The following LRRC23 variants were observed in gnomAD, a reference collection of about 807,000 sequenced individuals.
The protein encoded by LRRC23 is leucine rich repeat containing 23.
Under a neutral mutation model 37.7 loss-of-function variants are expected in LRRC23, and 28 were observed. That is an observed-to-expected ratio of 0.74 (90% CI 0.55 to 1.02). LRRC23 has a LOEUF of 1.02. Among genes scored for constraint, LRRC23 ranks in the 50% least tolerant of loss-of-function variants. LRRC23 has a pLI of 0.00. For missense variants in LRRC23, 377 were observed against 413.2 expected (o/e 0.91, Z 0.76); for synonymous variants, 161 against 165.4 (o/e 0.97, Z 0.20).
At chr12:6,910,416 G>A (rs1208591137) in intron 6 of LRRC23, among the ~76,000 whole-genome samples, 1 of 152,078 alleles carries the variant, frequency 6.6e-6, no homozygotes, top group Non-Finnish European at 1.5e-5. Flanking sequence ...TTCTACAGAA[G>A]TGAAAATAAT....
chr12:6,909,763 C>T, intron 5 of LRRC23, 127 bp from the exon 6 acceptor site: 1 of 811,206 alleles, frequency 1.2e-6, no homozygotes, highest in Non-Finnish European at 2.0e-6. Flanking sequence ...TACTCACCCC[C>T]ACTCCTTTCT....
At chr12:6,908,600 A>G (rs1460936243) in intron 5 of LRRC23, among the ~76,000 whole-genome samples, 1 of 102,248 alleles carries the variant, frequency 9.8e-6, no homozygotes, top group African/African-American at 7.5e-5. Flanking sequence ...CCATCTCAAA[A>G]AAAAAAAAAA....
intron 6 of LRRC23, 49 bp downstream of exon 6, chr12:6,910,075 C>G (rs782636546): frequency 3.2e-6 from 5 of 1,548,946 alleles, no homozygotes; most frequent in African/African-American, 1.4e-5. Flanking sequence ...TGACCAGGTG[C>G]AGCTTTTGAG....
chr12:6,910,253 T>A, intron 6 of LRRC23, among the ~76,000 whole-genome samples: 1 of 152,162 alleles, frequency 6.6e-6, no homozygotes, highest in South Asian at 2.1e-4. Context: ...GAGAATGTGC[T>A]ATGTGCCAGG....
At chr12:6,909,032 AT>A in intron 5 of LRRC23, among the ~76,000 whole-genome samples, 1 of 92,644 alleles carries the variant, frequency 1.1e-5, no homozygotes, top group Non-Finnish European at 2.1e-5. Flanking sequence ...CGATATATAT[AT>A]TATATATTAT....
chr12:6,912,829 C>T lies in LRRC23; in HGVS notation c.858C>T (p.Thr286=), dbSNP rs373041536. ...TTGATAACCCATGCACGGACGAAAC[C>T]AGCTACCGCCAGGAGGCCCTGGTGC... ...VLLDNPCTDE[T]SYRQEALVQM... The change falls in exon 7 of 8, where the codon ACC becomes ACT. Residue 286 remains threonine (T), a synonymous_variant. Coordinates refer to ENST00000443597, the MANE Select transcript of LRRC23 (RefSeq NM_001135217.2). The T allele has an allele frequency of 6.2e-6, 10 of 1,614,024 alleles. No individual in the cohort carries two copies. The highest frequency in any genetic ancestry group is 4.0e-5 in the African/African-American group (3 of 74,908).
In LRRC23 at chr12:6,905,953, A is replaced by G. The variant is rs149662873; in HGVS notation, c.235A>G (p.Arg79Gly). 7.3e-5 allele frequency: 117 copies of G among 1,613,404 alleles called. No individual in the cohort carries two copies. Among genetic ancestry groups the G allele is most frequent in the Admixed American group, 1.2e-4 (7 of 59,964 alleles). Residue 79 changes from arginine to glycine, a missense_variant and splice_region_variant, in exon 3 of 8, where the codon AGG becomes GGG. This residue lies in a region of LRRC23 where 106 missense variants were observed against 105.9 expected (regional missense o/e 1.00). Coordinates refer to ENST00000443597, the MANE Select transcript of LRRC23 (RefSeq NM_001135217.2). Reference sequence around the variant, plus strand: ...TTATGTCAAGCTGGAGGTTAAAGAGAGGTGCGTTTTGGGGGGACCAGATGA... The same window carrying G: ...TTATGTCAAGCTGGAGGTTAAAGAGGGGTGCGTTTTGGGGGGACCAGATGA... Reference protein sequence around the residue: ...HAYVKLEVKERDLTDIYLLRS... With the variant: ...HAYVKLEVKEGDLTDIYLLRS...
intron 5 of LRRC23, among the ~76,000 whole-genome samples, chr12:6,908,371 C>T (rs781826084): frequency 1.5e-4 from 23 of 151,496 alleles, no homozygotes; most frequent in South Asian, 6.3e-4. Context: ...CTGAGGCGGG[C>T]GGATCACCTG....
intron 5 of LRRC23, 49 bp from the exon 6 acceptor site, chr12:6,909,841 C>T: frequency 1.3e-6 from 2 of 1,556,320 alleles, no homozygotes; most frequent in Non-Finnish European, 1.7e-6. Flanking sequence ...TCTCTTTCTT[C>T]CCTATCCCTG....
chr12:6,907,469 G>A, intron 5 of LRRC23, 24 bp downstream of exon 5: 7 of 1,613,980 alleles, frequency 4.3e-6, no homozygotes, highest in Non-Finnish European at 5.9e-6. Context: ...TCAGAGGGTG[G>A]TGCAGGGAAG....
Position 6,914,073 on chromosome 12 carries a change from C to A in LRRC23, c.*207C>A, listed in dbSNP as rs782605530. ...TGGGGTGCAGAATGGGGTGCCTAGGCCTGAGCGTTGCCTGGAGCCTAGGCC... is the reference window on the plus strand; with the variant it reads ...TGGGGTGCAGAATGGGGTGCCTAGGACTGAGCGTTGCCTGGAGCCTAGGCC... On this transcript the variant is annotated 3_prime_UTR_variant, in exon 8 of 8. Transcript: ENST00000443597. This position sits in a 1 kb window ranked among gnomAD's most constrained non-coding sequence, Gnocchi z 7.1. 2 of 1,562,146 alleles carry A rather than the reference C, an allele frequency of 1.3e-6. No homozygotes were observed. The highest frequency in any genetic ancestry group is 1.2e-5 in the South Asian group (1 of 82,750).
Position 6,906,564 on chromosome 12 carries a change from A to G in LRRC23, c.392A>G (p.Asn131Ser). 6.2e-7 allele frequency: 1 copy of G among 1,614,226 alleles called. No individual in the cohort carries two copies. Residue 131 changes from asparagine to serine, a missense_variant, in exon 4 of 8, where the codon AAT becomes AGT. Transcript: ENST00000443597. ...DGNRLRSAQM[N>S]ELPYLQIASF... ...AATCGGCTGCGAAGTGCCCAGATGA[A>G]TGAACTGCCCTACCTGCAGATTGCT... is the stretch of plus-strand genomic sequence containing the variant.
intron 3 of LRRC23, 104 bp from the exon 4 acceptor site, chr12:6,906,305 C>A: frequency 1.8e-6 from 2 of 1,118,528 alleles, no homozygotes; most frequent in Non-Finnish European, 2.6e-6. Flanking sequence ...TTCTTCTCCC[C>A]ATTATAAGCC....
chr12:6,905,278 A>G, intron 1 of LRRC23: 1 of 229,412 alleles, frequency 4.4e-6, no homozygotes, highest in South Asian at 5.1e-5. Context: ...GCATGGCTTA[A>G]GGGGGAGGTG....
At position 6,905,580 on chromosome 12, in the gene LRRC23, T is replaced by G; in HGVS notation, c.-49-5T>G. On this transcript the variant is annotated splice_polypyrimidine_tract_variant and splice_region_variant and intron_variant, in intron 1 of 7. Coordinates refer to ENST00000443597, the MANE Select transcript of LRRC23 (RefSeq NM_001135217.2). Reference sequence around the variant, plus strand: ...GGCAGAAGCTGATGAGACCTTCTTTTTCAGGAGGAGGACTGAGCTTATCTG... The same window carrying G: ...GGCAGAAGCTGATGAGACCTTCTTTGTCAGGAGGAGGACTGAGCTTATCTG... The G allele has an allele frequency of 6.3e-7, 1 of 1,598,224 alleles. No individual in the cohort carries two copies. Among genetic ancestry groups the G allele is most frequent in the Non-Finnish European group, 8.6e-7 (1 of 1,168,618 alleles).
At chr12:6,906,866 C>A in intron 4 of LRRC23, 1 of 595,442 alleles carries the variant, frequency 1.7e-6, no homozygotes, top group Non-Finnish European at 2.9e-6. Flanking sequence ...TCTCATATAG[C>A]TTATATTCTA....
chr12:6,913,748 A>G (rs958771234), intron 7 of LRRC23, 143 bp from the exon 8 acceptor site: 18 of 569,554 alleles, frequency 3.2e-5, no homozygotes, highest in Non-Finnish European at 4.8e-5. Context: ...TATTTTTAGT[A>G]GAAACGGGGT....
In LRRC23 at chr12:6,909,976, C is replaced by T. The variant is rs782277388; in HGVS notation, c.708C>T (p.Thr236=). Residue 236 remains threonine, a synonymous_variant, in exon 6 of 8, where the codon ACC becomes ACT. Transcript: ENST00000443597. ...TLHLRDNQID[T]LSGFSREMKS... is the part of the protein sequence containing the mutation. ...ATCTTCGAGACAACCAGATTGACAC[C>T]CTGAGTGGCTTCTCCAGAGAAATGA... The T allele has an allele frequency of 2.5e-6, 4 of 1,613,684 alleles. No homozygotes were observed. The highest frequency in any genetic ancestry group is 2.2e-5 in the South Asian group (2 of 91,078).
At position 6,912,850 on chromosome 12, in the gene LRRC23, G is replaced by A. The variant is rs1555140946; in HGVS notation, c.879G>A (p.Leu293=). Residue 293 remains leucine, a synonymous_variant, in exon 7 of 8, where the codon CTG becomes CTA. Transcript: ENST00000443597. Reference sequence around the variant, plus strand: ...AAACCAGCTACCGCCAGGAGGCCCTGGTGCAGATGCCATACCTTGAACGCC... The same window carrying A: ...AAACCAGCTACCGCCAGGAGGCCCTAGTGCAGATGCCATACCTTGAACGCC... ...TDETSYRQEA[L]VQMPYLERLD... The A allele has an allele frequency of 6.2e-7, 1 of 1,614,122 alleles. No homozygotes were observed. Among genetic ancestry groups the A allele is most frequent in the Admixed American group, 1.7e-5 (1 of 60,018 alleles).
Sources: gnomAD v4.1 joint callset for allele counts (sites outside exome capture counted in the v4.1 genomes callset) on GRCh38, gnomAD v4.1.1 for gene constraint, gnomAD v4.1.1 regional missense constraint, Gnocchi (gnomAD v3.1) non-coding constraint, MANE v1.5 for transcripts, NCBI Gene and HGNC (gene_info 2026-07-23, HGNC 2026-07-21) for gene names.